Variants in TRIM33 observed in about 807,000 individuals in gnomAD.
TRIM33 encodes the protein tripartite motif containing 33, also known as E3 ubiquitin-protein ligase TRIM33.
Under a neutral mutation model 125.4 loss-of-function variants are expected in TRIM33, and 20 were observed. The observed-to-expected ratio is 0.16, with a 90% CI of 0.11 to 0.23. The LOEUF (loss-of-function observed/expected upper bound fraction) is 0.23. TRIM33 is among the 10% of genes least tolerant of loss of function. The probability of loss-of-function intolerance (pLI) is 1.00; values close to 1 mark genes in which losing one functional copy is unlikely to be tolerated. For synonymous variants in TRIM33, 564 were observed against 513.9 expected (o/e 1.10, Z -1.32); for missense variants, 920 against 1,411.4 (o/e 0.65, Z 5.58).
intron 4 of TRIM33, among the ~76,000 whole-genome samples, chr1:114,454,774 T>C (rs576091156): frequency 2.0e-5 from 3 of 152,114 alleles, no homozygotes; most frequent in Admixed American, 6.5e-5. Context: ...ATCTTGACAC[T>C]GGGCCAAGCT....
intron 1 of TRIM33, among the ~76,000 whole-genome samples, chr1:114,491,614 G>A (rs1444121171): frequency 6.6e-6 from 1 of 152,080 alleles, no homozygotes; most frequent in African/African-American, 2.4e-5. Context: ...ACCAGCCTGG[G>A]CAACATGGTG....
At chr1:114,489,233 T>G (rs764349211) in intron 1 of TRIM33, among the ~76,000 whole-genome samples, 2 of 152,186 alleles carry the variant, frequency 1.3e-5, no homozygotes, top group Admixed American at 6.5e-5. Flanking sequence ...GATATCCTTG[T>G]GCAAAAGAAT....
intron 4 of TRIM33, among the ~76,000 whole-genome samples, chr1:114,451,725 C>T (rs771244893): frequency 4.6e-5 from 7 of 152,176 alleles, no homozygotes; most frequent in African/African-American, 9.7e-5. Flanking sequence ...CTATGCTAAG[C>T]ACTTTATAGG....
At chr1:114,442,918 A>G (rs1400163500) in intron 4 of TRIM33, among the ~76,000 whole-genome samples, 1 of 151,938 alleles carries the variant, frequency 6.6e-6, no homozygotes, top group East Asian at 1.9e-4. Context: ...GCATCAATAT[A>G]TTTTTTTAAA....
chr1:114,402,208 T>C (rs1363989715), intron 16 of TRIM33, among the ~76,000 whole-genome samples: 1 of 152,134 alleles, frequency 6.6e-6, no homozygotes, highest in African/African-American at 2.4e-5. Context: ...GAGAAGCTAT[T>C]AGAGGATTTT....
In TRIM33 at chr1:114,511,084, T is replaced by G; in HGVS notation, c.-8A>C. On this transcript the variant is annotated 5_prime_UTR_variant, in exon 1 of 20. Transcript: ENST00000358465. ...GCCTTTGTTTTCCGCCATGTTTTCC[T>G]CTTTGAACCCGCCGGACCGCCCCGC... 1 of 1,229,786 alleles carries G rather than the reference T, an allele frequency of 8.1e-7. No homozygotes were observed. The highest frequency in any genetic ancestry group is 1.0e-6 in the Non-Finnish European group (1 of 985,570). The allele number at this position is 1,229,786 out of a possible 1,614,324, so 76.2% of individuals were successfully genotyped here.
chr1:114,494,039 G>A (rs1483704267), intron 1 of TRIM33, among the ~76,000 whole-genome samples: 1 of 152,040 alleles, frequency 6.6e-6, no homozygotes, highest in African/African-American at 2.4e-5. Context: ...TGGCCAGGAT[G>A]GTCTCGATCT....
intron 4 of TRIM33, among the ~76,000 whole-genome samples, chr1:114,435,079 T>G (rs1648194815): frequency 6.6e-6 from 1 of 152,222 alleles, no homozygotes; most frequent in Non-Finnish European, 1.5e-5. Context: ...TATTTGTGCA[T>G]TTAATTCTCT....
chr1:114,464,695 G>GT lies in TRIM33; in HGVS notation c.527-308dup, dbSNP rs1169905839. On this transcript the variant is annotated intron_variant, in intron 1 of 19. Transcript: ENST00000358465. ...GAAACTATGAATATTAATTTACATG[G>GT]TAAAAGGGACTTTACAGATGCGATT... 3.3e-5 allele frequency among the ~76,000 whole-genome samples: 5 copies of GT among 152,184 alleles called. 1 individual carries two copies. The highest frequency in any genetic ancestry group is 1.2e-4 in the African/African-American group (5 of 41,440).
chr1:114,462,775 G>C (rs1032663944), intron 4 of TRIM33, among the ~76,000 whole-genome samples: 1 of 152,100 alleles, frequency 6.6e-6, no homozygotes, highest in African/African-American at 2.4e-5. Context: ...TGCTTTTGTA[G>C]ATTACAGCCA....
chr1:114,442,452 G>A (rs1344989289), intron 4 of TRIM33, among the ~76,000 whole-genome samples: 1 of 152,150 alleles, frequency 6.6e-6, no homozygotes, highest in Non-Finnish European at 1.5e-5. Context: ...CACTTTGGGA[G>A]GCCGAGGTGG....
At chr1:114,486,364 A>C (rs1193240818) in intron 1 of TRIM33, among the ~76,000 whole-genome samples, 21 of 151,882 alleles carry the variant, frequency 1.4e-4, no homozygotes, top group Non-Finnish European at 2.9e-4. Context: ...AAATTATAGG[A>C]TTAAAAAATA....
chr1:114,498,914 T>C (rs960902119), intron 1 of TRIM33, among the ~76,000 whole-genome samples: 1 of 151,534 alleles, frequency 6.6e-6, no homozygotes, highest in Admixed American at 6.6e-5. Flanking sequence ...TTAGAAACTT[T>C]TAGAAAAAAA....
chr1:114,442,687 C>CAAAAAAAAAAAA (rs34847018), intron 4 of TRIM33, among the ~76,000 whole-genome samples: 2 of 73,830 alleles, frequency 2.7e-5, no homozygotes, highest in Non-Finnish European at 5.3e-5. Context: ...GACTCTGTCT[C>CAAAAAAAAAAAA]AAAAAAAAAA....
In TRIM33 at chr1:114,511,030, C is replaced by T. The variant is rs1653335358; in HGVS notation, c.47G>A (p.Gly16Asp). 2 of 1,318,292 alleles carry T rather than the reference C, an allele frequency of 1.5e-6. No homozygotes were observed. Among genetic ancestry groups the T allele is most frequent in the South Asian group, 1.8e-5 (1 of 54,520 alleles). 81.7% of individuals were successfully genotyped at this position (1,318,292 alleles called of 1,614,324 possible). A position where few individuals can be genotyped will look rare whatever the true frequency, so the allele number is the denominator to read the frequency against. Residue 16 changes from glycine (G) to aspartate (D), a missense_variant, in exon 1 of 20, where the codon GGC becomes GAC. Gly to Asp is a moderately conservative substitution (Grantham distance 94, BLOSUM62 -1). This residue lies in a region of TRIM33 where 233 missense variants were observed against 189.6 expected (regional missense o/e 1.23). Transcript: ENST00000358465. The stretch of plus-strand genomic sequence containing the variant: ...GGCAGTTACCGGCGCGCTGCCGCTG[C>T]CCCCGCCGCCGCTCTCAGCCTCGCC... ...GGGEAESGGG[G>D]SGSAPVTAGA... is the part of the protein sequence containing the mutation.
intron 10 of TRIM33, among the ~76,000 whole-genome samples, 157 bp downstream of exon 10, chr1:114,424,434 A>G (rs2101154820): frequency 6.6e-6 from 1 of 152,316 alleles, no homozygotes; most frequent in East Asian, 1.9e-4. Context: ...TAAATACAAA[A>G]TCTCATGTGT....
At chr1:114,498,148 T>TAAAA (rs1652488945) in intron 1 of TRIM33, among the ~76,000 whole-genome samples, 1 of 134,182 alleles carries the variant, frequency 7.5e-6, no homozygotes. Flanking sequence ...AAAAAAAAAG[T>TAAAA]TATATAATGG....
rs1247320471 is a variant in TRIM33, at chr1:114,424,575, G to C, written c.1860+16C>G. 1 of 1,514,102 alleles carries C rather than the reference G, an allele frequency of 6.6e-7. No individual in the cohort carries two copies. Among genetic ancestry groups the C allele is most frequent in the South Asian group, 1.3e-5 (1 of 76,810 alleles). 93.8% of individuals were successfully genotyped at this position (1,514,102 alleles called of 1,614,324 possible). A position where few individuals can be genotyped will look rare whatever the true frequency, so the allele number is the denominator to read the frequency against. ...TTAAAATTGTAGGATTCTTACAAATGTAACTCTAGGCATACTTGTCTTTGG... is the reference window on the plus strand; with the variant it reads ...TTAAAATTGTAGGATTCTTACAAATCTAACTCTAGGCATACTTGTCTTTGG... On this transcript the variant is annotated intron_variant, in intron 10 of 19. Coordinates refer to ENST00000358465, the MANE Select transcript of TRIM33 (RefSeq NM_015906.4).
chr1:114,484,894 C>A (rs1651577222), intron 1 of TRIM33, among the ~76,000 whole-genome samples: 1 of 150,758 alleles, frequency 6.6e-6, no homozygotes, highest in Non-Finnish European at 1.5e-5. Context: ...TACAAAAATG[C>A]ACAAAAAAAT....
Sources: gnomAD v4.1 joint callset for allele counts (sites outside exome capture counted in the v4.1 genomes callset) on GRCh38, gnomAD v4.1.1 for gene constraint, gnomAD v4.1.1 regional missense constraint, MANE v1.5 for transcripts, NCBI Gene and HGNC (gene_info 2026-07-23, HGNC 2026-07-21) for gene names.